Variants in JAK1 observed in about 807,000 individuals in gnomAD.
The protein encoded by JAK1 is Janus kinase 1, also known as tyrosine-protein kinase JAK1.
Under a neutral mutation model 136.6 loss-of-function variants are expected in JAK1, and 16 were observed. The ratio of observed to expected loss-of-function variants is 0.12; its 90% CI spans 0.08 to 0.18. The LOEUF is 0.18. Ranked by LOEUF, JAK1 falls within the 10% of genes least tolerant of loss-of-function variation. JAK1 has a pLI of 1.00. For synonymous variants in JAK1, 492 were observed against 519.5 expected, an observed-to-expected ratio of 0.95 and a Z score of 0.72; for missense variants, 859 against 1,450.1, an observed-to-expected ratio of 0.59 and a Z score of 6.62.
At chr1:64,903,740 T>C (rs1645148138) in intron 1 of JAK1, among the ~76,000 whole-genome samples, 2 of 152,204 alleles carry the variant, frequency 1.3e-5, no homozygotes, top group East Asian at 1.9e-4. Flanking sequence ...AAAACGACTA[T>C]GTGGCTGCTG....
chr1:64,985,204 C>T, intron 2 of JAK1: 1 of 1,570,964 alleles, frequency 6.4e-7, no homozygotes. Flanking sequence ...ACACCTGCAC[C>T]CTTAAAGATT....
At chr1:64,873,651 C>T (rs1657214891) in intron 4 of JAK1, 128 bp from the exon 5 acceptor site, 3 of 896,796 alleles carry the variant, frequency 3.3e-6, no homozygotes, top group African/African-American at 1.7e-5. Context: ...GACAACCCTG[C>T]CCCTTGTAGC....
At position 64,903,006 on chromosome 1, in the gene JAK1, AG is replaced by A. The variant is rs534852414; in HGVS notation, c.-77-16666del. 5.9e-5 allele frequency among the ~76,000 whole-genome samples: 9 copies of A among 152,218 alleles called. No individual in the cohort carries two copies. In the South Asian group the frequency reaches 1.9e-3, roughly 32 times the overall value. The stretch of plus-strand genomic sequence containing the variant: ...TAATTCCTTCTCCTATCTGCAGCCT[AG>A]AATATGGATGCTGCCAACATGGTTG... On this transcript the variant is annotated intron_variant, in intron 1 of 24. Coordinates refer to ENST00000342505, the MANE Select transcript of JAK1 (RefSeq NM_002227.4).
chr1:64,879,578 C>T (rs551985166), intron 3 of JAK1, among the ~76,000 whole-genome samples: 48 of 152,288 alleles, frequency 3.2e-4, no homozygotes, highest in African/African-American at 1.1e-3. Flanking sequence ...AGCACTTAAA[C>T]AATTCTAACA....
At chr1:65,048,122 T>A (rs192913508) in intron 1 of JAK1, among the ~76,000 whole-genome samples, 2 of 152,286 alleles carry the variant, frequency 1.3e-5, no homozygotes, top group Admixed American at 6.5e-5. Context: ...AAAGAATCAA[T>A]GAAAATGTCA....
At chr1:65,027,767 C>T (rs147287616) in intron 2 of JAK1, among the ~76,000 whole-genome samples, 114 of 152,246 alleles carry the variant, frequency 7.5e-4, no homozygotes, top group African/African-American at 2.5e-3. Flanking sequence ...AAAAGTCCCA[C>T]GTTGCATGGC....
intron 2 of JAK1, among the ~76,000 whole-genome samples, chr1:65,018,481 AG>A (rs1437196797): frequency 1.1e-3 from 151 of 138,316 alleles, no homozygotes; most frequent in African/African-American, 2.7e-3. Flanking sequence ...AGAGAGAGAG[AG>A]AGAGAACACA....
At chr1:64,971,527 C>T (rs534304289), upstream of JAK1, among the ~76,000 whole-genome samples, 7 of 151,526 alleles carry the variant, frequency 4.6e-5, no homozygotes, top group African/African-American at 1.2e-4. Flanking sequence ...TGCAGAGACG[C>T]GGTTTCATCA....
chr1:64,954,278 A>G (rs937826205), intron 1 of JAK1, among the ~76,000 whole-genome samples: 4 of 152,220 alleles, frequency 2.6e-5, no homozygotes, highest in Non-Finnish European at 2.9e-5. Context: ...AATGATGCCA[A>G]TAAGATCCAA....
chr1:64,965,500 A>G (rs1223370000), intron 1 of JAK1, among the ~76,000 whole-genome samples: 1 of 152,168 alleles, frequency 6.6e-6, no homozygotes, highest in African/African-American at 2.4e-5. Context: ...AGGAGCCCAC[A>G]TCCCAGGGAC....
intron 1 of JAK1, among the ~76,000 whole-genome samples, chr1:64,899,173 G>C (rs967459725): frequency 6.6e-6 from 1 of 152,124 alleles, no homozygotes; most frequent in Admixed American, 6.5e-5. Flanking sequence ...TAAGTGACTT[G>C]TGAAAGATCA....
intron 1 of JAK1, among the ~76,000 whole-genome samples, chr1:65,063,804 C>CAAAAAAAAAAAAAAAAAA (rs370192253): frequency 1.2e-5 from 1 of 81,362 alleles, no homozygotes; most frequent in Non-Finnish European, 2.7e-5. Flanking sequence ...GACTCTATCT[C>CAAAAAAAAAAAAAAAAAA]AAAAAAAAAA....
intron 14 of JAK1, among the ~76,000 whole-genome samples, chr1:64,845,947 C>T (rs1655202425): frequency 6.6e-6 from 1 of 152,206 alleles, no homozygotes; most frequent in Non-Finnish European, 1.5e-5. Context: ...ACACAGAGAA[C>T]AAGGGCTCTG....
Position 65,036,691 on chromosome 1 carries a change from T to C in JAK1, c.-78+7789A>G, listed in dbSNP as rs566959851. On this transcript the variant is annotated intron_variant, in intron 2 of 25. Transcript: ENST00000671954. ...AAGTATTTCAAGAGTAAAGAAGAGC[T>C]GTGTATGCAAAAATATCTGGAGCAT... Among the ~76,000 whole-genome samples the C allele has an allele frequency of 1.5e-4, 23 of 152,348 alleles. No individual in the cohort carries two copies. The South Asian group carries it at 4.6e-3, about 30-fold the overall frequency.
chr1:64,985,387 G>T, intron 2 of JAK1: 1 of 1,611,008 alleles, frequency 6.2e-7, no homozygotes, highest in Non-Finnish European at 8.5e-7. Flanking sequence ...TGGATGTCTT[G>T]GGATACATCC....
intron 1 of JAK1, among the ~76,000 whole-genome samples, chr1:64,913,695 G>A (rs374525278): frequency 0.022 from 561 of 25,244 alleles, 1 homozygote; most frequent in East Asian, 0.11. Context: ...AAGGAAGGAA[G>A]GAAGGAAAGA....
rs1656929474 is a variant in JAK1, at chr1:64,869,390, G to A, written c.568C>T (p.Leu190=). 1.9e-6 allele frequency: 3 copies of A among 1,613,948 alleles called. No individual in the cohort carries two copies. The highest frequency in any genetic ancestry group is 4.5e-5 in the East Asian group (2 of 44,874). The change falls in exon 6 of 25, where the codon CTA becomes TTA. Residue 190 remains leucine (L), a synonymous_variant. Transcript: ENST00000342505. ...QDGHDIENEC[L]GMAVLAISHY... is the part of the protein sequence containing the mutation. ...GAGATGGCCAGGACAGCCATCCCTA[G>A]ACACTCGTTCTCAATATCATGTCCA...
intron 22 of JAK1, among the ~76,000 whole-genome samples, chr1:64,836,509 G>A (rs189389011): frequency 3.7e-4 from 56 of 152,112 alleles, no homozygotes; most frequent in African/African-American, 8.0e-4. Flanking sequence ...GGAGGTGGCC[G>A]TGTAATGATG....
At chr1:64,879,300 A>G (rs1644732653) in intron 3 of JAK1, 152 bp from the exon 4 acceptor site, 1 of 808,946 alleles carries the variant, frequency 1.2e-6, no homozygotes, top group Non-Finnish European at 1.9e-6. Context: ...ACTTCCGACC[A>G]GGTTCGGTCA....
Sources: gnomAD v4.1 joint callset for allele counts (sites outside exome capture counted in the v4.1 genomes callset) on GRCh38, gnomAD v4.1.1 for gene constraint, MANE v1.5 for transcripts, NCBI Gene and HGNC (gene_info 2026-07-23, HGNC 2026-07-21) for gene names.